PRCC: variants seen among roughly 807,000 people sequenced by gnomAD.
PRCC encodes the protein proline-rich protein PRCC.
A neutral mutation model predicts 44.0 loss-of-function variants in PRCC; 10 were observed. The ratio of observed to expected loss-of-function variants is 0.23; its 90% CI spans 0.14 to 0.39. The LOEUF (loss-of-function observed/expected upper bound fraction) is 0.39. Ranked by LOEUF, PRCC falls within the 10% of genes least tolerant of loss-of-function variation. PRCC has a pLI of 1.00. For missense variants in PRCC, 573 were observed against 624.7 expected, an observed-to-expected ratio of 0.92 and a Z score of 0.88; for synonymous variants, 278 against 259.5, an observed-to-expected ratio of 1.07 and a Z score of -0.69.
intron 1 of PRCC, among the ~76,000 whole-genome samples, chr1:156,769,514 C>T (rs1023675915): frequency 6.6e-6 from 1 of 152,172 alleles, no homozygotes; most frequent in South Asian, 2.1e-4. Context: ...TGAAAGAACT[C>T]CAATATGGAT....
chr1:156,774,156 CCTTTTTTTTTTTT>C (rs1159566455), intron 1 of PRCC, among the ~76,000 whole-genome samples: 2 of 56,030 alleles, frequency 3.6e-5, no homozygotes, highest in Non-Finnish European at 7.4e-5. Context: ...TTTTGAGTCA[CCTTTTTTTTTTTT>C]TTTTTTTTTT....
At chr1:156,773,499 A>G (rs1389649736) in intron 1 of PRCC, among the ~76,000 whole-genome samples, 1 of 152,030 alleles carries the variant, frequency 6.6e-6, no homozygotes, top group African/African-American at 2.4e-5. Context: ...AACAGACTCA[A>G]CAGTTTGTGC....
At chr1:156,793,493 CT>C (rs113676490) in intron 4 of PRCC, among the ~76,000 whole-genome samples, 3,256 of 139,738 alleles carry the variant, frequency 0.023, 47 homozygotes, top group African/African-American at 0.056. Context: ...GTTTACTGGG[CT>C]TTTTTTTTTT....
chr1:156,774,256 A>G (rs1173945769), intron 1 of PRCC, among the ~76,000 whole-genome samples: 1 of 120,988 alleles, frequency 8.3e-6, no homozygotes, highest in Non-Finnish European at 1.6e-5. Context: ...GCTCACTGCA[A>G]CCTCCGCCTC....
At chr1:156,781,813 A>C (rs1348325857) in intron 1 of PRCC, among the ~76,000 whole-genome samples, 1 of 152,148 alleles carries the variant, frequency 6.6e-6, no homozygotes, top group Admixed American at 6.5e-5. Context: ...ACTCAATCCC[A>C]CTGGAGTTCC....
Position 156,785,474 on chromosome 1 carries a change from C to G in PRCC, c.517-1134C>G, listed in dbSNP as rs1571585357. Among the ~76,000 whole-genome samples, 3 of 151,586 alleles carry G rather than the reference C, an allele frequency of 2.0e-5. No individual in the cohort carries two copies. In the South Asian group the frequency reaches 6.3e-4, roughly 32 times the overall value. On this transcript the variant is annotated intron_variant, in intron 2 of 6. Transcript: ENST00000271526. ...GTTGCAGTGAGCCAAGATCATGTCA[C>G]TGCACTCCATCCTGGGTGATAGAGC...
Position 156,767,915 on chromosome 1 carries a change from G to C in PRCC, c.144G>C (p.Pro48=). 1 of 1,599,418 alleles carries C rather than the reference G, an allele frequency of 6.3e-7. No individual in the cohort carries two copies. The highest frequency in any genetic ancestry group is 8.5e-7 in the Non-Finnish European group (1 of 1,173,674). ...CTTCTCTCCCTGCGCCCAAGGGTCCGGCCTTGCTGCCTCCGCCCCCTCAGA... is the reference window on the plus strand; with the variant it reads ...CTTCTCTCCCTGCGCCCAAGGGTCCCGCCTTGCTGCCTCCGCCCCCTCAGA... ...LFASLPAPKG[P]ALLPPPPQML... is the part of the protein sequence containing the mutation. Residue 48 remains proline (P), a synonymous_variant, in exon 1 of 7, where the codon CCG becomes CCC. Transcript: ENST00000271526.
At position 156,791,812 on chromosome 1, in the gene PRCC, G is replaced by C. The variant is rs753528981; in HGVS notation, c.1179+20G>C. The C allele has an allele frequency of 1.3e-5, 21 of 1,602,454 alleles. No individual in the cohort carries two copies. Among genetic ancestry groups the C allele is most frequent in the Non-Finnish European group, 1.7e-5 (20 of 1,171,400 alleles). Reference sequence around the variant, plus strand: ...GAAGCAGTAAGTTAAGAAAGCACAAGTGACCATCTTTGACCGCTGGGCACC... The same window carrying C: ...GAAGCAGTAAGTTAAGAAAGCACAACTGACCATCTTTGACCGCTGGGCACC... On this transcript the variant is annotated intron_variant, in intron 4 of 6. Coordinates refer to ENST00000271526, the MANE Select transcript of PRCC (RefSeq NM_005973.5).
intron 6 of PRCC, among the ~76,000 whole-genome samples, chr1:156,797,970 G>T (rs1368729769): frequency 6.6e-6 from 1 of 152,050 alleles, no homozygotes; most frequent in African/African-American, 2.4e-5. Flanking sequence ...GGAGACAGGG[G>T]TCTTACTCTG....
At chr1:156,774,274 C>G (rs1571573591) in intron 1 of PRCC, among the ~76,000 whole-genome samples, 1 of 138,842 alleles carries the variant, frequency 7.2e-6, no homozygotes, top group South Asian at 2.4e-4. Flanking sequence ...CTCCCGGGTT[C>G]AAGCAATTCT....
In PRCC at chr1:156,794,716, G is replaced by A. The variant is rs1194265403; in HGVS notation, c.1231G>A (p.Val411Met). 1.2e-6 allele frequency: 2 copies of A among 1,614,058 alleles called. No individual in the cohort carries two copies. Among genetic ancestry groups the A allele is most frequent in the Non-Finnish European group, 1.7e-6 (2 of 1,180,032 alleles). ...CCGAGGGAGAGAAGAAATCAACTTT[G>A]TGGAGATCAAAGGTGATGACCAGCT... ...RNRGREEINFVEIKGDDQLSG... is the reference protein window; with the variant it reads ...RNRGREEINFMEIKGDDQLSG... Residue 411 changes from valine to methionine, a missense_variant, in exon 5 of 7, where the codon GTG becomes ATG. Physicochemically the swap from Val to Met is conservative, Grantham distance 21. Around this residue, in one of 4 missense-constraint regions of PRCC, gnomAD observed 69 missense variants for 139.3 expected, o/e 0.50. Transcript: ENST00000271526.
At position 156,768,015 on chromosome 1, in the gene PRCC, C is replaced by G. The variant is rs200950423; in HGVS notation, c.244C>G (p.Pro82Ala). The change falls in exon 1 of 7, where the codon CCC becomes GCC. Residue 82 changes from proline to alanine, a missense_variant. Transcript: ENST00000271526. ...AGACCCCAGGCTTCAGCCTCCTCCC[C>G]CCTTGCCCTTCGGCCTGGGAGGCTT... ...TGDPRLQPPP[P>A]LPFGLGGFPP... is the part of the protein sequence containing the mutation. The G allele has an allele frequency of 2.4e-4, 378 of 1,569,696 alleles. No homozygotes were observed. The highest frequency in any genetic ancestry group is 1.5e-3 in the Admixed American group (81 of 54,426).
At chr1:156,794,530 G>A in intron 4 of PRCC, 135 bp from the exon 5 acceptor site, 5 of 1,048,614 alleles carry the variant, frequency 4.8e-6, no homozygotes, top group Non-Finnish European at 6.8e-6. Flanking sequence ...AGATGGCAGG[G>A]TGAAAGGACG....
At chr1:156,773,743 A>G (rs1057277421) in intron 1 of PRCC, among the ~76,000 whole-genome samples, 1 of 152,170 alleles carries the variant, frequency 6.6e-6, no homozygotes, top group African/African-American at 2.4e-5. Flanking sequence ...ATGATCCACC[A>G]ATTTCACTTC....
At chr1:156,768,282 T>G (rs891884053) in intron 1 of PRCC, 43 bp downstream of exon 1, 13 of 1,524,500 alleles carry the variant, frequency 8.5e-6, no homozygotes, top group Non-Finnish European at 1.1e-5. Context: ...CCATCGGGTT[T>G]GAGTCGGCTG....
At chr1:156,775,511 A>C (rs1651794510) in intron 1 of PRCC, among the ~76,000 whole-genome samples, 1 of 132,982 alleles carries the variant, frequency 7.5e-6, no homozygotes, top group African/African-American at 2.5e-5. Flanking sequence ...GCCGATTTAA[A>C]ATTTTTTTTT....
Position 156,800,806 on chromosome 1 carries a change from G to A in PRCC, c.*346G>A, listed in dbSNP as rs373937259. ...GATGTCTGTTGAAATAAAACATTCA[G>A]TCTGACAAACATTGCCTGCCCTGTC... On this transcript the variant is annotated 3_prime_UTR_variant, in exon 7 of 7. Coordinates refer to ENST00000271526, the MANE Select transcript of PRCC (RefSeq NM_005973.5). 9.0e-5 allele frequency: 24 copies of A among 268,106 alleles called. No individual in the cohort carries two copies. Among genetic ancestry groups the A allele is most frequent in the African/African-American group, 4.5e-4 (21 of 46,700 alleles). 16.6% of individuals were successfully genotyped at this position (268,106 alleles called of 1,614,324 possible).
At position 156,800,772 on chromosome 1, in the gene PRCC, TA is replaced by T; in HGVS notation, c.*315del. ...CTCCCCACCACCACTTTTTTTTTTT[TA>T]AACCAGGGATGTCTGTTGAAATAAA... On this transcript the variant is annotated 3_prime_UTR_variant, in exon 7 of 7. Transcript: ENST00000271526. 1 of 291,416 alleles carries T rather than the reference TA, an allele frequency of 3.4e-6. No individual in the cohort carries two copies. Among genetic ancestry groups the T allele is most frequent in the Non-Finnish European group, 6.5e-6 (1 of 153,562 alleles). 18.1% of individuals were successfully genotyped at this position (291,416 alleles called of 1,614,324 possible).
intron 3 of PRCC, among the ~76,000 whole-genome samples, 173 bp downstream of exon 3, chr1:156,787,347 A>T (rs1652290671): frequency 6.6e-6 from 1 of 151,942 alleles, no homozygotes; most frequent in Non-Finnish European, 1.5e-5. Flanking sequence ...AAATTGCCCA[A>T]GTCTTAAAGT....
Sources: allele counts gnomAD v4.1 joint callset (sites outside exome capture counted in the v4.1 genomes callset), GRCh38; gene constraint gnomAD v4.1.1; regional missense constraint gnomAD v4.1.1; transcripts MANE v1.5; gene names NCBI Gene and HGNC (gene_info 2026-07-23, HGNC 2026-07-21).